The following DMGDH variants were observed in gnomAD, a reference collection of about 807,000 sequenced individuals.
The protein encoded by DMGDH is dimethylglycine dehydrogenase, mitochondrial.
DMGDH carries 76 observed loss-of-function variants against 95.2 expected under a neutral mutation model. That is an observed-to-expected ratio of 0.80 (90% CI 0.66 to 0.97). The LOEUF (loss-of-function observed/expected upper bound fraction) is 0.97, where lower values mean the gene tolerates loss of function less well. Ranked by LOEUF, DMGDH falls within the 50% of genes least tolerant of loss-of-function variation. The pLI is 0.00. For synonymous variants in DMGDH, 345 were observed against 377.6 expected, an observed-to-expected ratio of 0.91 and a Z score of 1.00; for missense variants, 987 against 1,055.0, an observed-to-expected ratio of 0.94 and a Z score of 0.89.
At chr5:79,050,295 T>A (rs1754819313) in intron 5 of DMGDH, among the ~76,000 whole-genome samples, 1 of 127,288 alleles carries the variant, frequency 7.9e-6, no homozygotes, top group African/African-American at 2.9e-5. Flanking sequence ...TATATATATA[T>A]ATATATACCT....
chr5:79,047,414 T>C (rs989934598), intron 5 of DMGDH, among the ~76,000 whole-genome samples: 4 of 152,204 alleles, frequency 2.6e-5, no homozygotes, highest in African/African-American at 9.6e-5. Flanking sequence ...GCAATTCTTT[T>C]TGGCTGAACA....
chr5:79,033,793 A>G (rs1754261060), intron 7 of DMGDH, among the ~76,000 whole-genome samples: 1 of 152,128 alleles, frequency 6.6e-6, no homozygotes, highest in Non-Finnish European at 1.5e-5. Context: ...TTATCTCGGC[A>G]TGGTGGCACG....
intron 14 of DMGDH, among the ~76,000 whole-genome samples, chr5:79,022,943 A>T (rs893398942): frequency 2.0e-5 from 3 of 152,212 alleles, no homozygotes; most frequent in Non-Finnish European, 1.5e-5. Flanking sequence ...CAGAGGGAGC[A>T]ATCTGCTGCT....
At position 79,042,347 on chromosome 5, in the gene DMGDH, C is replaced by T. The variant is rs1186743260; in HGVS notation, c.1129G>A (p.Asp377Asn). The T allele has an allele frequency of 6.2e-7, 1 of 1,614,234 alleles. No homozygotes were observed. Among genetic ancestry groups the T allele is most frequent in the East Asian group, 2.2e-5 (1 of 44,888 alleles). The change falls in exon 7 of 16, where the codon GAC becomes AAC. Residue 377 changes from aspartate to asparagine, a missense_variant. Physicochemically the swap from Asp to Asn is conservative, Grantham distance 23 (BLOSUM62 1). Transcript: ENST00000255189. ...VVNGPITYSP[D>N]ILPMVGPHQG... ...TGGGGCCCCACCATAGGCAGAATGT[C>T]AGGAGAATACGTGATAGGACCATTG...
intron 9 of DMGDH, among the ~76,000 whole-genome samples, 160 bp downstream of exon 9, chr5:79,032,527 C>T (rs1016283014): frequency 1.3e-5 from 2 of 152,240 alleles, no homozygotes; most frequent in African/African-American, 4.8e-5. Context: ...GTGGGCTAGA[C>T]TAATGCCACC....
chr5:79,053,947 T>C (rs1219877197), intron 4 of DMGDH, among the ~76,000 whole-genome samples: 1 of 152,172 alleles, frequency 6.6e-6, no homozygotes, highest in African/African-American at 2.4e-5. Context: ...GTATTGAAAA[T>C]GTTTAATCAA....
intron 12 of DMGDH, 112 bp downstream of exon 12, chr5:79,028,321 T>C (rs571338612): frequency 2.2e-6 from 2 of 897,326 alleles, no homozygotes; most frequent in South Asian, 3.0e-5. Flanking sequence ...AGTGTGCACA[T>C]GCATACACAC....
chr5:79,025,370 C>T (rs775435824), intron 13 of DMGDH, among the ~76,000 whole-genome samples: 3 of 152,200 alleles, frequency 2.0e-5, no homozygotes, highest in Non-Finnish European at 4.4e-5. Context: ...AGCCTCGCCT[C>T]AGTCCCCAGT....
At position 79,032,694 on chromosome 5, in the gene DMGDH, G is replaced by A. The variant is rs746100635; in HGVS notation, c.1510C>T (p.Gln504Ter). ...GTAAAGTCCTTCTCCCACCTGTACT[G>A]AGTGTCCTGGCCTGGTTTGTAGAAC... Reference protein sequence around the residue: ...HWFYKPGQDTQYRPSFRRTNW... With the variant: ...HWFYKPGQDT The change falls in exon 9 of 16, where the codon CAG becomes TAG. Residue 504 changes from glutamine to a stop codon, truncating the protein, a stop_gained. Coordinates refer to ENST00000255189, the MANE Select transcript of DMGDH (RefSeq NM_013391.3). LOFTEE classifies it high-confidence loss of function. 2.2e-5 allele frequency: 35 copies of A among 1,614,014 alleles called. No homozygotes were observed. The highest frequency in any genetic ancestry group is 1.6e-4 in the Middle Eastern group (1 of 6,084).
At position 79,032,817 on chromosome 5, in the gene DMGDH, A is replaced by G; in HGVS notation, c.1387T>C (p.Phe463Leu). The change falls in exon 9 of 16, where the codon TTT becomes CTT. Residue 463 changes from phenylalanine to leucine, a missense_variant. Phe to Leu is a conservative substitution (Grantham distance 22). Transcript: ENST00000255189. ...ACTCGTTGAGTCGGCCTCCCAGCAA[A>G]CCGTTCTTCTTTAGGATAACCAACT... ...NIVGYPKEER[F>L]AGRPTQRVSG... 4 of 1,614,150 alleles carry G rather than the reference A, an allele frequency of 2.5e-6. No homozygotes were observed. Among genetic ancestry groups the G allele is most frequent in the Non-Finnish European group, 2.5e-6 (3 of 1,180,040 alleles).
intron 11 of DMGDH, 95 bp downstream of exon 11, chr5:79,029,809 G>T: frequency 8.0e-7 from 1 of 1,251,294 alleles, no homozygotes; most frequent in African/African-American, 1.5e-5. Context: ...AAGAAATAAA[G>T]TTGTACTTTC....
Position 79,051,354 on chromosome 5 carries a change from T to C in DMGDH, c.678A>G (p.Ser226=), listed in dbSNP as rs1057521498. The change falls in exon 5 of 16, where the codon TCA becomes TCG. Residue 226 remains serine (S), a synonymous_variant. Coordinates refer to ENST00000255189, the MANE Select transcript of DMGDH (RefSeq NM_013391.3). ...GTGTTTCAACGTCCCATGTTCCATC[T>C]GACCTGGCTTTCAGAGAAGTTACTG... ...PAPVTSLKAR[S]DGTWDVETPQ... 6.2e-7 allele frequency: 1 copy of C among 1,614,234 alleles called. No homozygotes were observed. The highest frequency in any genetic ancestry group is 2.2e-5 in the East Asian group (1 of 44,884).
At position 79,063,707 on chromosome 5, in the gene DMGDH, C is replaced by A. The variant is rs551536134; in HGVS notation, c.182G>T (p.Gly61Val). Residue 61 changes from glycine (G) to valine (V), a missense_variant, in exon 2 of 16, where the codon GGT becomes GTT. Coordinates refer to ENST00000255189, the MANE Select transcript of DMGDH (RefSeq NM_013391.3). ...ETVIIGGGCV[G>V]VSLAYHLAKA... ...GGCCAGGTGATAAGCCAGACTCACACCAACACAGCCACCTCCAATTATCAC... is the reference window on the plus strand; with the variant it reads ...GGCCAGGTGATAAGCCAGACTCACAACAACACAGCCACCTCCAATTATCAC... 1.2e-6 allele frequency: 2 copies of A among 1,614,198 alleles called. No homozygotes were observed. Among genetic ancestry groups the A allele is most frequent in the South Asian group, 2.2e-5 (2 of 91,080 alleles).
intron 5 of DMGDH, among the ~76,000 whole-genome samples, chr5:79,048,234 A>G (rs1011503602): frequency 3.9e-5 from 6 of 152,134 alleles, no homozygotes; most frequent in African/African-American, 1.4e-4. Flanking sequence ...ATAACTTTTC[A>G]AGATGGGGAC....
At chr5:79,021,465 AGGG>A in intron 14 of DMGDH, 1 of 1,227,004 alleles carries the variant, frequency 8.1e-7, no homozygotes, top group Non-Finnish European at 1.0e-6. Flanking sequence ...AGCCAACAGC[AGGG>A]GAAGGAGGCT....
intron 5 of DMGDH, among the ~76,000 whole-genome samples, chr5:79,048,470 A>G (rs1754743441): frequency 6.6e-6 from 1 of 152,094 alleles, no homozygotes; most frequent in African/African-American, 2.4e-5. Flanking sequence ...GGTTCCTTTA[A>G]TCATATTTCA....
chr5:79,013,694 T>G (rs486685), intron 14 of DMGDH, among the ~76,000 whole-genome samples: 105,222 of 151,982 alleles, frequency 0.69, 36,502 homozygotes, highest in East Asian at 0.73. Context: ...GCATCTGCTT[T>G]GCTTCTGGGG....
intron 14 of DMGDH, chr5:79,020,584 T>G (rs776400599): frequency 1.3e-5 from 11 of 870,176 alleles, no homozygotes; most frequent in Non-Finnish European, 1.5e-5. Context: ...GGTTGTTTTG[T>G]TTTTGGTTAT....
At chr5:79,024,851 C>T (rs2112617247) in intron 13 of DMGDH, among the ~76,000 whole-genome samples, 1 of 152,354 alleles carries the variant, frequency 6.6e-6, no homozygotes, top group South Asian at 2.1e-4. Context: ...GCTACCAAGT[C>T]AGGGCTAACG....
Sources: gnomAD v4.1 joint callset for allele counts (sites outside exome capture counted in the v4.1 genomes callset) on GRCh38, gnomAD v4.1.1 for gene constraint, MANE v1.5 for transcripts, NCBI Gene and HGNC (gene_info 2026-07-23, HGNC 2026-07-21) for gene names.